SDK1: variants seen among roughly 807,000 people sequenced by gnomAD.
SDK1 encodes protein sidekick-1.
Under a neutral mutation model 245.5 loss-of-function variants are expected in SDK1, and 157 were observed. The observed-to-expected ratio is 0.64, with a 90% CI of 0.56 to 0.73. The LOEUF is 0.73. SDK1 is among the 30% of genes least tolerant of loss of function. The probability of loss-of-function intolerance (pLI) is 0.00; values close to 1 mark genes in which losing one functional copy is unlikely to be tolerated. For missense variants in SDK1, 3,583 were observed against 3,002.3 expected, an observed-to-expected ratio of 1.19 and a Z score of -4.52; for synonymous variants, 1,647 against 1,278.5, an observed-to-expected ratio of 1.29 and a Z score of -6.15.
At chr7:3,940,784 G>A (rs982905256) in intron 5 of SDK1, among the ~76,000 whole-genome samples, 1 of 152,080 alleles carries the variant, frequency 6.6e-6, no homozygotes, top group Non-Finnish European at 1.5e-5. Flanking sequence ...TCATGCCGCT[G>A]CACTCCAGCC....
chr7:3,991,121 C>T (rs956292893), intron 14 of SDK1, among the ~76,000 whole-genome samples: 1 of 152,168 alleles, frequency 6.6e-6, no homozygotes, highest in African/African-American at 2.4e-5. Context: ...AGTGATGTGA[C>T]TGTATAGAAG....
At position 4,130,104 on chromosome 7, in the gene SDK1, C is replaced by G. The variant is rs766607641; in HGVS notation, c.4129+7C>G. On this transcript the variant is annotated splice_region_variant and intron_variant, in intron 27 of 44. Transcript: ENST00000404826. Reference sequence around the variant, plus strand: ...GAGCGCACCAAAGACGATGGTAGGTCCAGGGTTCGCGCCTTCGGGAGCCTT... The same window carrying G: ...GAGCGCACCAAAGACGATGGTAGGTGCAGGGTTCGCGCCTTCGGGAGCCTT... 17 of 1,580,308 alleles carry G rather than the reference C, an allele frequency of 1.1e-5. No individual in the cohort carries two copies. The highest frequency in any genetic ancestry group is 6.0e-6 in the Non-Finnish European group (7 of 1,157,512).
intron 5 of SDK1, among the ~76,000 whole-genome samples, chr7:3,822,246 C>G (rs1426414876): frequency 6.6e-6 from 1 of 152,122 alleles, no homozygotes; most frequent in Non-Finnish European, 1.5e-5. Flanking sequence ...ATTCAGACAT[C>G]CATATCAGAA....
At chr7:3,713,033 G>A (rs1004671514) in intron 4 of SDK1, among the ~76,000 whole-genome samples, 3 of 152,212 alleles carry the variant, frequency 2.0e-5, no homozygotes, top group East Asian at 1.9e-4. Flanking sequence ...GCACCAAGGC[G>A]TGCCCATGTG....
At chr7:4,082,067 T>C (rs1262554414) in intron 22 of SDK1, among the ~76,000 whole-genome samples, 1 of 152,182 alleles carries the variant, frequency 6.6e-6, no homozygotes, top group Non-Finnish European at 1.5e-5. Flanking sequence ...ATCTTTGGTG[T>C]TGGAATAACA....
intron 30 of SDK1, among the ~76,000 whole-genome samples, chr7:4,152,239 T>G (rs10951447): frequency 0.53 from 80,297 of 151,964 alleles, 21,508 homozygotes; most frequent in East Asian, 0.73. Flanking sequence ...TCACTTGCCC[T>G]TTGAGCTACA....
chr7:3,909,002 G>A (rs1031406769), intron 5 of SDK1, among the ~76,000 whole-genome samples: 2 of 152,130 alleles, frequency 1.3e-5, no homozygotes, highest in Non-Finnish European at 2.9e-5. Context: ...GCTGCCCCCT[G>A]CTCAAGTGAG....
intron 44 of SDK1, among the ~76,000 whole-genome samples, chr7:4,252,568 C>T (rs1224496451): frequency 1.3e-5 from 2 of 152,020 alleles, no homozygotes; most frequent in African/African-American, 4.8e-5. Context: ...TTCAATATTG[C>T]TGAGCATTTT....
At chr7:3,984,666 C>T (rs1207160122) in intron 13 of SDK1, among the ~76,000 whole-genome samples, 3 of 152,130 alleles carry the variant, frequency 2.0e-5, no homozygotes, top group Non-Finnish European at 4.4e-5. Context: ...CCTGGCTTCT[C>T]TCCAACTCCT....
At chr7:4,011,242 C>A in intron 15 of SDK1, 129 bp downstream of exon 15, 1 of 1,185,670 alleles carries the variant, frequency 8.4e-7, no homozygotes, top group Non-Finnish European at 1.2e-6. Flanking sequence ...ACGGGACAAA[C>A]CGTGAGCAGA....
intron 1 of SDK1, among the ~76,000 whole-genome samples, chr7:3,364,374 A>C (rs1478783094): frequency 6.6e-6 from 1 of 152,092 alleles, no homozygotes; most frequent in Non-Finnish European, 1.5e-5. Flanking sequence ...GGATCCTGAA[A>C]ATTTTCTCGT....
chr7:3,374,259 G>A lies in SDK1; in HGVS notation c.298+72375G>A, dbSNP rs774466188. On this transcript the variant is annotated intron_variant, in intron 1 of 44. Transcript: ENST00000404826. Reference sequence around the variant, plus strand: ...ATGAGCAATACCACCCCACTTAACTGATCTGAAGTTTTCCACTTGGGATAT... The same window carrying A: ...ATGAGCAATACCACCCCACTTAACTAATCTGAAGTTTTCCACTTGGGATAT... 1.1e-3 allele frequency among the ~76,000 whole-genome samples: 167 copies of A among 152,144 alleles called. 2 individuals carry two copies. Among genetic ancestry groups the A allele is most frequent in the Non-Finnish European group, 4.3e-4 (29 of 68,022 alleles).
intron 5 of SDK1, among the ~76,000 whole-genome samples, chr7:3,853,504 A>G (rs1028953434): frequency 6.6e-6 from 1 of 152,222 alleles, no homozygotes; most frequent in Non-Finnish European, 1.5e-5. Context: ...ATTTGTATGC[A>G]TTAAAATAAG....
chr7:3,472,164 T>C lies in SDK1; in HGVS notation c.299-146916T>C, dbSNP rs74583562. ...CATAGTTCCCTCCATTACTTTTTCA[T>C]GGCTGAAGGGATTGTAAATATTGTT... is the stretch of plus-strand genomic sequence containing the variant. On this transcript the variant is annotated intron_variant, in intron 1 of 44. Coordinates refer to ENST00000404826, the MANE Select transcript of SDK1 (RefSeq NM_152744.4). 5.3e-4 allele frequency among the ~76,000 whole-genome samples: 80 copies of C among 152,322 alleles called. 1 individual carries two copies. The East Asian group carries it at 0.012, about 23-fold the overall frequency.
chr7:3,442,360 G>T (rs1361972433), intron 1 of SDK1, among the ~76,000 whole-genome samples: 1 of 152,196 alleles, frequency 6.6e-6, no homozygotes, highest in African/African-American at 2.4e-5. Context: ...ACCACCATAG[G>T]TGACACCCAT....
intron 2 of SDK1, among the ~76,000 whole-genome samples, chr7:3,621,582 T>C (rs1238478543): frequency 6.6e-6 from 1 of 152,206 alleles, no homozygotes; most frequent in Non-Finnish European, 1.5e-5. Context: ...GATCTTCAGT[T>C]TCCACATGGA....
chr7:3,772,691 A>C (rs1377944329), intron 4 of SDK1, among the ~76,000 whole-genome samples: 1 of 152,204 alleles, frequency 6.6e-6, no homozygotes, highest in African/African-American at 2.4e-5. Flanking sequence ...TACAGCTCCA[A>C]GTTACTATCC....
intron 1 of SDK1, among the ~76,000 whole-genome samples, chr7:3,366,569 C>G (rs73050503): frequency 0.1 from 15,445 of 152,110 alleles, 1,008 homozygotes; most frequent in African/African-American, 0.17. Context: ...GTCACAAGAG[C>G]AGATTTTTGC....
At chr7:3,967,872 G>T (rs1782198476) in intron 10 of SDK1, among the ~76,000 whole-genome samples, 1 of 152,208 alleles carries the variant, frequency 6.6e-6, no homozygotes. Context: ...CCCAGGGCTT[G>T]GGGACCCCTG....
Sources: gnomAD v4.1 joint callset for allele counts (sites outside exome capture counted in the v4.1 genomes callset) on GRCh38, gnomAD v4.1.1 for gene constraint, MANE v1.5 for transcripts, NCBI Gene and HGNC (gene_info 2026-07-23, HGNC 2026-07-21) for gene names.